The following MAOB variants were observed in gnomAD, a reference collection of about 807,000 sequenced individuals.
MAOB encodes amine oxidase [flavin-containing] B.
Under a neutral mutation model 41.9 loss-of-function variants are expected in MAOB, and 15 were observed. That is an observed-to-expected ratio of 0.36 (90% CI 0.24 to 0.55). The LOEUF is 0.55. Among genes scored for constraint, MAOB ranks in the 20% least tolerant of loss-of-function variants. The pLI is 0.86. For synonymous variants in MAOB, 167 were observed against 144.2 expected (o/e 1.16, Z -1.13); for missense variants, 345 against 398.7 (o/e 0.87, Z 1.15).
chrX:43,868,854 C>T (rs2035381960), intron 1 of MAOB, among the ~76,000 whole-genome samples: 1 of 105,962 alleles, frequency 9.4e-6, no homozygotes, highest in South Asian at 4.1e-4. Context: ...CACATCAATT[C>T]TTGTGTGTGT....
rs2034122512 is a variant in MAOB at position 43,767,248 on chromosome X, C to G, written c.*218G>C. The G allele has an allele frequency of 8.5e-6, 3 of 352,409 alleles. No individual in the cohort carries two copies. The highest frequency in any genetic ancestry group is 1.5e-5 in the Non-Finnish European group (3 of 205,722). 29.0% of individuals were successfully genotyped at this position (352,409 alleles called of 1,213,427 possible). A position where few individuals can be genotyped will look rare whatever the true frequency, so the allele number is the denominator to read the frequency against. On this transcript the variant is annotated 3_prime_UTR_variant, in exon 15 of 15. Transcript: ENST00000378069. Reference sequence around the variant, plus strand: ...ATTTTGAGGGCAATAAACTTGGAAACTGGTGAAACAGAACGCTAAGCCAGG... The same window carrying G: ...ATTTTGAGGGCAATAAACTTGGAAAGTGGTGAAACAGAACGCTAAGCCAGG...
intron 3 of MAOB, among the ~76,000 whole-genome samples, chrX:43,827,248 T>TTGTGTGGA (rs1280640331): frequency 8.9e-6 from 1 of 111,782 alleles, no homozygotes; most frequent in Non-Finnish European, 1.9e-5. Flanking sequence ...TCTCTCACAG[T>TTGTGTGGA]TGTGTGGATT....
At chrX:43,770,544 C>T (rs1176836382) in intron 12 of MAOB, among the ~76,000 whole-genome samples, 1 of 111,924 alleles carries the variant, frequency 8.9e-6, no homozygotes, top group African/African-American at 3.2e-5. Flanking sequence ...GACTCTGGAA[C>T]CTACAGTCTT....
intron 1 of MAOB, among the ~76,000 whole-genome samples, chrX:43,879,169 G>A (rs1420820166): frequency 2.7e-5 from 3 of 111,722 alleles, no homozygotes; most frequent in African/African-American, 9.8e-5. Flanking sequence ...TTGGGTAAAA[G>A]AGATTTCAGT....
At chrX:43,836,279 T>C (rs1207184411) in intron 3 of MAOB, among the ~76,000 whole-genome samples, 1 of 112,076 alleles carries the variant, frequency 8.9e-6, no homozygotes, top group Non-Finnish European at 1.9e-5. Context: ...AGATGCTTTT[T>C]ACAGGTCAAA....
At chrX:43,809,722 G>A (rs2034719645) in intron 3 of MAOB, among the ~76,000 whole-genome samples, 1 of 112,007 alleles carries the variant, frequency 8.9e-6, no homozygotes. Flanking sequence ...ACATTGTCCA[G>A]GGAGGCTTGT....
At chrX:43,773,315 T>C (rs970169260) in intron 12 of MAOB, among the ~76,000 whole-genome samples, 4 of 111,840 alleles carry the variant, frequency 3.6e-5, no homozygotes, top group Non-Finnish European at 7.5e-5. Context: ...ACATTCTGAG[T>C]GGTGATACAG....
chrX:43,836,274 C>T (rs1428226267), intron 3 of MAOB, among the ~76,000 whole-genome samples: 1 of 111,806 alleles, frequency 8.9e-6, no homozygotes, highest in Non-Finnish European at 1.9e-5. Flanking sequence ...ATCCAAGATG[C>T]TTTTTACAGG....
chrX:43,814,241 C>T (rs1348150328), intron 3 of MAOB, among the ~76,000 whole-genome samples: 1 of 111,098 alleles, frequency 9.0e-6, no homozygotes, highest in East Asian at 2.8e-4. Flanking sequence ...CTCAAAGCTG[C>T]CAAAAGAAGG....
intron 2 of MAOB, among the ~76,000 whole-genome samples, chrX:43,842,585 AGAATT>A (rs1322169244): frequency 8.9e-6 from 1 of 112,345 alleles, no homozygotes; most frequent in Non-Finnish European, 1.9e-5. Context: ...TATATCCAAA[AGAATT>A]GAAGTCAATA....
At chrX:43,768,365 C>T (rs1219416590) in intron 14 of MAOB, among the ~76,000 whole-genome samples, 1 of 111,718 alleles carries the variant, frequency 9.0e-6, no homozygotes, top group Non-Finnish European at 1.9e-5. Context: ...ATTTGACAGG[C>T]ATTTATTGAG....
rs376754544 is a variant in MAOB, at chrX:43,881,769, G to A, written c.46+485C>T. ...ATCACAGAACCTCAAAGAATCAGGAGGGCCTGGAAAGTCTTTGGCAATCGA... is the reference window on the plus strand; with the variant it reads ...ATCACAGAACCTCAAAGAATCAGGAAGGCCTGGAAAGTCTTTGGCAATCGA... On this transcript the variant is annotated intron_variant, in intron 1 of 14. Coordinates refer to ENST00000378069, the MANE Select transcript of MAOB (RefSeq NM_000898.5). Among the ~76,000 whole-genome samples, 11 of 112,343 alleles carry A rather than the reference G, an allele frequency of 9.8e-5. No individual in the cohort carries two copies. The East Asian group carries it at 2.8e-3, about 29-fold the overall frequency.
At chrX:43,865,403 C>T (rs191277768) in intron 1 of MAOB, among the ~76,000 whole-genome samples, 108 of 111,503 alleles carry the variant, frequency 9.7e-4, no homozygotes, top group Middle Eastern at 4.6e-3. Flanking sequence ...GAGGGACTGA[C>T]GGTGGTGATG....
Position 43,767,378 on chromosome X carries a change from T to TAACATGC in MAOB, c.*87_*88insGCATGTT. On this transcript the variant is annotated 3_prime_UTR_variant, in exon 15 of 15. Coordinates refer to ENST00000378069, the MANE Select transcript of MAOB (RefSeq NM_000898.5). ...TCCCCGCCTCACTCCACACTATTTGTCTTCATGGAACTTTACTGCAACTCT... is the reference window on the plus strand; with the variant it reads ...TCCCCGCCTCACTCCACACTATTTGTAACATGCCTTCATGGAACTTTACTGCAACTCT... The TAACATGC allele has an allele frequency of 1.1e-6, 1 of 951,913 alleles. No individual in the cohort carries two copies. Among genetic ancestry groups the TAACATGC allele is most frequent in the Admixed American group, 2.8e-5 (1 of 35,468 alleles). The allele number at this position is 951,913 out of a possible 1,213,427, so 78.4% of individuals were successfully genotyped here. A position where few individuals can be genotyped will look rare whatever the true frequency, so the allele number is the denominator to read the frequency against.
intron 1 of MAOB, among the ~76,000 whole-genome samples, chrX:43,866,638 T>G (rs2035367213): frequency 8.9e-6 from 1 of 112,546 alleles, no homozygotes; most frequent in Non-Finnish European, 1.9e-5. Context: ...AGATGGATGG[T>G]GGTGATAGTT....
intron 1 of MAOB, among the ~76,000 whole-genome samples, chrX:43,870,517 C>T (rs946494397): frequency 9.9e-5 from 11 of 111,486 alleles, no homozygotes. Context: ...CATTAAAGAA[C>T]ATGGGCGGTG....
At chrX:43,810,561 T>C (rs1208869496) in intron 3 of MAOB, among the ~76,000 whole-genome samples, 2 of 110,554 alleles carry the variant, frequency 1.8e-5, no homozygotes, top group Non-Finnish European at 3.8e-5. Flanking sequence ...CTTGGAATTC[T>C]TAATAATTTT....
chrX:43,841,816 G>A (rs2035140667), intron 2 of MAOB, among the ~76,000 whole-genome samples: 1 of 111,959 alleles, frequency 8.9e-6, no homozygotes, highest in African/African-American at 3.2e-5. Context: ...GGAAAGGACA[G>A]TCTATTCAAT....
chrX:43,855,912 G>A (rs945742136), intron 1 of MAOB, among the ~76,000 whole-genome samples: 3 of 111,165 alleles, frequency 2.7e-5, no homozygotes, highest in South Asian at 3.8e-4. Flanking sequence ...GTCTACAGTC[G>A]GTGTCTCTGG....
Sources: allele counts gnomAD v4.1 joint callset (sites outside exome capture counted in the v4.1 genomes callset), GRCh38; gene constraint gnomAD v4.1.1; transcripts MANE v1.5; gene names NCBI Gene and HGNC (gene_info 2026-07-23, HGNC 2026-07-21).